Variants in CLYBL observed in about 807,000 individuals in gnomAD.
CLYBL encodes the protein citramalyl-CoA lyase.
CLYBL carries 31 observed loss-of-function variants against 38.9 expected under a neutral mutation model. The ratio of observed to expected loss-of-function variants is 0.80; its 90% CI spans 0.60 to 1.08. The LOEUF is 1.08. CLYBL is among the 50% of genes least tolerant of loss of function. The pLI is 0.00. For synonymous variants in CLYBL, 171 were observed against 158.6 expected, an observed-to-expected ratio of 1.08 and a Z score of -0.59; for missense variants, 434 against 411.6, an observed-to-expected ratio of 1.05 and a Z score of -0.47.
In CLYBL at chr13:99,772,995, G is replaced by A; in HGVS notation, c.234G>A (p.Val78=). The A allele has an allele frequency of 6.2e-7, 1 of 1,607,328 alleles. No individual in the cohort carries two copies. Among genetic ancestry groups the A allele is most frequent in the South Asian group, 1.1e-5 (1 of 88,974 alleles). The part of the protein sequence containing the change: ...DCAVLDCEDG[V]AANKKNEARL... ...CAGTGCTCGACTGTGAGGATGGAGT[G>A]GCTGCAAACAAAAAGGTAATGGCAT... Residue 78 remains valine (V), a synonymous_variant, in exon 2 of 9, where the codon GTG becomes GTA. Coordinates refer to ENST00000339105, the MANE Select transcript of CLYBL (RefSeq NM_206808.5).
At chr13:99,789,438 C>T (rs1328942370) in intron 2 of CLYBL, among the ~76,000 whole-genome samples, 6 of 152,250 alleles carry the variant, frequency 3.9e-5, no homozygotes, top group Middle Eastern at 6.8e-3. Flanking sequence ...TTTATTTCTG[C>T]CTTCATTTCG....
At chr13:99,611,387 T>G (rs1173073652) in intron 1 of CLYBL, among the ~76,000 whole-genome samples, 1 of 152,224 alleles carries the variant, frequency 6.6e-6, no homozygotes, top group African/African-American at 2.4e-5. Context: ...AATTTTTTTT[T>G]GCATCTGTTG....
chr13:99,640,428 T>C (rs2047076994), intron 1 of CLYBL, among the ~76,000 whole-genome samples: 1 of 152,390 alleles, frequency 6.6e-6, no homozygotes, highest in East Asian at 1.9e-4. Flanking sequence ...TTTAAATCTA[T>C]ATTTACTAGT....
Position 99,847,897 on chromosome 13 carries a change from C to T in CLYBL, c.250-10964C>T, listed in dbSNP as rs544469682. Among the ~76,000 whole-genome samples the T allele has an allele frequency of 8.7e-4, 133 of 152,326 alleles. 1 individual carries two copies. The highest frequency in any genetic ancestry group is 3.5e-3 in the South Asian group (17 of 4,820). Reference sequence around the variant, plus strand: ...GTCCTTTCTCCCCAATGGAACGGAGCGTCATTCCTTGTGTCTCCAAGCCCT... The same window carrying T: ...GTCCTTTCTCCCCAATGGAACGGAGTGTCATTCCTTGTGTCTCCAAGCCCT... On this transcript the variant is annotated intron_variant, in intron 2 of 8. Transcript: ENST00000339105.
intron 1 of CLYBL, among the ~76,000 whole-genome samples, chr13:99,623,160 A>G (rs922437605): frequency 2.0e-5 from 3 of 152,134 alleles, no homozygotes; most frequent in Non-Finnish European, 2.9e-5. Flanking sequence ...TCTATGTTTA[A>G]CTTTTTGAGG....
rs77429422 is a variant in CLYBL, at chr13:99,635,752, A to G, written c.62+28995A>G. On this transcript the variant is annotated intron_variant, in intron 1 of 8. Transcript: ENST00000339105. ...TTGGAGTTGGACAGATTTGGTCTCA[A>G]TTCTGGTCTTTCCATTTACTGGCTG... is the stretch of plus-strand genomic sequence containing the variant. Among the ~76,000 whole-genome samples, 4 of 152,178 alleles carry G rather than the reference A, an allele frequency of 2.6e-5. No homozygotes were observed. The East Asian group carries it at 5.8e-4, about 22-fold the overall frequency.
At position 99,867,745 on chromosome 13, in the gene CLYBL, T is replaced by G. The variant is rs527548944; in HGVS notation, c.802+1338T>G. On this transcript the variant is annotated intron_variant, in intron 6 of 8. Coordinates refer to ENST00000339105, the MANE Select transcript of CLYBL (RefSeq NM_206808.5). ...CTAATAGACCCTGATGTTGTTGGCCTGCAATGTATGGCACTGGCTGCCAGG... is the reference window on the plus strand; with the variant it reads ...CTAATAGACCCTGATGTTGTTGGCCGGCAATGTATGGCACTGGCTGCCAGG... Among the ~76,000 whole-genome samples the G allele has an allele frequency of 6.6e-5, 10 of 152,282 alleles. 1 individual carries two copies. Among genetic ancestry groups the G allele is most frequent in the African/African-American group, 2.4e-4 (10 of 41,546 alleles).
At chr13:99,706,656 G>A (rs944020087) in intron 1 of CLYBL, among the ~76,000 whole-genome samples, 1 of 152,158 alleles carries the variant, frequency 6.6e-6, no homozygotes, top group Non-Finnish European at 1.5e-5. Context: ...TGCTCATGAT[G>A]TTACAGTAGA....
At chr13:99,896,150 T>G (rs2152135562), downstream of CLYBL, 1 of 151,428 alleles carries the variant, frequency 6.6e-6, no homozygotes, top group South Asian at 2.1e-4. Context: ...GCCTGGACTG[T>G]GGGCCCTGCT....
chr13:99,905,701 GTTTTTTGGTT>G (rs2052689481), intron 9 of CLYBL, among the ~76,000 whole-genome samples: 1 of 141,618 alleles, frequency 7.1e-6, no homozygotes, highest in Admixed American at 7.4e-5. Context: ...ATAAAAAAGT[GTTTTTTGGTT>G]GTTGTTTTTG....
At chr13:99,862,685 AG>A (rs1339636943) in intron 3 of CLYBL, among the ~76,000 whole-genome samples, 1 of 152,210 alleles carries the variant, frequency 6.6e-6, no homozygotes, top group African/African-American at 2.4e-5. Flanking sequence ...AGAGGTCTTA[AG>A]TAAATGCGTT....
intron 1 of CLYBL, among the ~76,000 whole-genome samples, chr13:99,678,751 T>C (rs1162929295): frequency 1.3e-5 from 2 of 152,188 alleles, no homozygotes; most frequent in Non-Finnish European, 2.9e-5. Flanking sequence ...TCATCTTTTA[T>C]ATAATTAAAA....
At chr13:99,818,846 C>T (rs2050514476) in intron 2 of CLYBL, among the ~76,000 whole-genome samples, 1 of 152,154 alleles carries the variant, frequency 6.6e-6, no homozygotes, top group South Asian at 2.1e-4. Flanking sequence ...CATTTTTCCG[C>T]ATCTCCACAG....
chr13:99,887,522 G>A (rs144232585), intron 7 of CLYBL, among the ~76,000 whole-genome samples: 25 of 152,300 alleles, frequency 1.6e-4, no homozygotes, highest in Non-Finnish European at 2.8e-4. Flanking sequence ...ACTCTGGGAG[G>A]CCGAGGCAGG....
At chr13:99,667,725 C>A (rs1342631700) in intron 1 of CLYBL, among the ~76,000 whole-genome samples, 1 of 152,090 alleles carries the variant, frequency 6.6e-6, no homozygotes, top group Non-Finnish European at 1.5e-5. Flanking sequence ...TCAGATATTT[C>A]TAGTAGTCAA....
intron 1 of CLYBL, among the ~76,000 whole-genome samples, chr13:99,675,323 A>C (rs74112529): frequency 2.0e-5 from 3 of 151,858 alleles, no homozygotes; most frequent in African/African-American, 7.3e-5. Context: ...CTATATGTGT[A>C]TATACTTTAT....
At chr13:99,682,289 G>T (rs575793517) in intron 1 of CLYBL, among the ~76,000 whole-genome samples, 2 of 151,652 alleles carry the variant, frequency 1.3e-5, no homozygotes, top group African/African-American at 4.9e-5. Context: ...GACTACATGC[G>T]CCTGCCACCA....
chr13:99,679,367 A>G (rs2047700515), intron 1 of CLYBL, among the ~76,000 whole-genome samples: 1 of 152,180 alleles, frequency 6.6e-6, no homozygotes, highest in Non-Finnish European at 1.5e-5. Context: ...AGCTAATTAA[A>G]TTCTGCCCTG....
intron 1 of CLYBL, 71 bp downstream of exon 1, chr13:99,606,828 C>G (rs2046532046): frequency 1.5e-6 from 2 of 1,301,602 alleles, no homozygotes; most frequent in Non-Finnish European, 9.7e-7. Context: ...TGCAGCCCCG[C>G]GGGCCGGGCG....
Sources: gnomAD v4.1 joint callset for allele counts (sites outside exome capture counted in the v4.1 genomes callset) on GRCh38, gnomAD v4.1.1 for gene constraint, MANE v1.5 for transcripts, NCBI Gene and HGNC (gene_info 2026-07-23, HGNC 2026-07-21) for gene names.